Variants in PCNX2 observed in about 807,000 individuals in gnomAD.
PCNX2 encodes the protein pecanex 2, also known as pecanex-like protein 2.
In PCNX2, 168 loss-of-function variants were observed where a neutral mutation model predicts 223.8. That is an observed-to-expected ratio of 0.75 (90% CI 0.66 to 0.85). PCNX2 has a LOEUF of 0.85. PCNX2 is among the 40% of genes least tolerant of loss of function. The probability of loss-of-function intolerance (pLI) is 0.00; values close to 1 mark genes in which losing one functional copy is unlikely to be tolerated. For missense variants in PCNX2, 2,507 were observed against 2,675.5 expected, an observed-to-expected ratio of 0.94 and a Z score of 1.39; for synonymous variants, 1,006 against 1,052.6, an observed-to-expected ratio of 0.96 and a Z score of 0.86.
In PCNX2 at chr1:233,208,668, A is replaced by G; in HGVS notation, c.2713T>C (p.Tyr905His). The G allele has an allele frequency of 6.2e-7, 1 of 1,613,750 alleles. No homozygotes were observed. The highest frequency in any genetic ancestry group is 8.5e-7 in the Non-Finnish European group (1 of 1,179,792). The change falls in exon 13 of 34, where the codon TAT (tyrosine) becomes CAT (histidine). Residue 905 changes from tyrosine to histidine, a missense_variant. By Grantham distance (83) the Tyr-to-His change is moderately conservative. Coordinates refer to ENST00000258229, the MANE Select transcript of PCNX2 (RefSeq NM_014801.4). The part of the protein sequence containing the change: ...PIHGHNQIIT[Y>H]SRPIYFCVLC... ...ACACAAAAATAGATTGGTCTGCTAT[A>G]TGTTATGATTTGGTTGTGTCCCTAG...
At chr1:233,093,033 T>G (rs1571855769) in intron 22 of PCNX2, among the ~76,000 whole-genome samples, 1 of 152,164 alleles carries the variant, frequency 6.6e-6, no homozygotes, top group Non-Finnish European at 1.5e-5. Context: ...TCTCCTGACC[T>G]CATGATCTGC....
At chr1:233,197,063 A>G (rs1472138778) in intron 15 of PCNX2, among the ~76,000 whole-genome samples, 3 of 152,172 alleles carry the variant, frequency 2.0e-5, no homozygotes, top group Admixed American at 6.5e-5. Flanking sequence ...TTGATTCCAA[A>G]GAAGCTTCAA....
intron 8 of PCNX2, chr1:233,241,258 C>T: frequency 2.0e-6 from 2 of 985,402 alleles, no homozygotes; most frequent in Non-Finnish European, 1.2e-6. Flanking sequence ...GAGCATGGGA[C>T]CTGACTGCCA....
In PCNX2 at chr1:233,160,431, T is replaced by C. The variant is rs377753838; in HGVS notation, c.3369A>G (p.Pro1123=). ...AGGCAAACAGCACGATGCTGAGAAATGGCTGCGATAAAAATGGGCAGAATC... is the reference window on the plus strand; with the variant it reads ...AGGCAAACAGCACGATGCTGAGAAACGGCTGCGATAAAAATGGGCAGAATC... ...SASTVFLSLR[P]FLSIVLFALA... The change falls in exon 19 of 34, where the codon CCA becomes CCG. Residue 1123 remains proline (P), a splice_region_variant and synonymous_variant. Transcript: ENST00000258229. 1.9e-6 allele frequency: 3 copies of C among 1,613,282 alleles called. No individual in the cohort carries two copies. Among genetic ancestry groups the C allele is most frequent in the East Asian group, 4.5e-5 (2 of 44,884 alleles).
chr1:233,272,706 C>T (rs1660704823), intron 1 of PCNX2, among the ~76,000 whole-genome samples: 1 of 152,158 alleles, frequency 6.6e-6, no homozygotes, highest in African/African-American at 2.4e-5. Flanking sequence ...ATGTTTATAG[C>T]AGCACAATTC....
chr1:233,105,081 C>A (rs1279392740), intron 21 of PCNX2, among the ~76,000 whole-genome samples: 1 of 152,030 alleles, frequency 6.6e-6, no homozygotes, highest in Non-Finnish European at 1.5e-5. Context: ...TATTGGCAGG[C>A]TATTTCCTAA....
chr1:233,280,302 T>C (rs1459556681), intron 1 of PCNX2, among the ~76,000 whole-genome samples: 1 of 149,308 alleles, frequency 6.7e-6, no homozygotes, highest in East Asian at 1.9e-4. Context: ...TATTACCTTT[T>C]TTTTTTTTTT....
intron 23 of PCNX2, among the ~76,000 whole-genome samples, chr1:233,074,374 C>T (rs561405048): frequency 2.0e-5 from 3 of 152,132 alleles, no homozygotes; most frequent in African/African-American, 7.2e-5. Flanking sequence ...GCGGGCAGAT[C>T]ACGAGGTCAG....
chr1:233,187,777 T>C (rs1680189500), intron 15 of PCNX2, among the ~76,000 whole-genome samples: 3 of 151,912 alleles, frequency 2.0e-5, no homozygotes, highest in Non-Finnish European at 2.9e-5. Context: ...CTGAGATCGG[T>C]TTCCCCTTCA....
chr1:233,224,229 C>T (rs1657562165), intron 10 of PCNX2, among the ~76,000 whole-genome samples: 1 of 152,106 alleles, frequency 6.6e-6, no homozygotes, highest in African/African-American at 2.4e-5. Flanking sequence ...AAAATAAACC[C>T]TCAGTGTTTT....
intron 21 of PCNX2, among the ~76,000 whole-genome samples, chr1:233,110,969 A>G (rs1442078531): frequency 6.6e-6 from 1 of 152,160 alleles, no homozygotes; most frequent in Non-Finnish European, 1.5e-5. Flanking sequence ...TGGCACAAAT[A>G]ATATGTCAGT....
intron 21 of PCNX2, among the ~76,000 whole-genome samples, chr1:233,114,671 C>T (rs575530551): frequency 1.7e-4 from 26 of 152,256 alleles, no homozygotes; most frequent in East Asian, 5.8e-4. Context: ...GATATTGCAG[C>T]GGTCACAGAA....
In PCNX2 at chr1:232,986,089, TA is replaced by T. The variant is rs1669465610; in HGVS notation, c.6240+2del. ...TCCTGGTGAGCCCTGCCCAGCCCCT[TA>T]CCCGAGTGGCCTGGCTGGCAGCCCT... On this transcript the variant is annotated splice_donor_variant, in intron 33 of 33. Coordinates refer to ENST00000258229, the MANE Select transcript of PCNX2 (RefSeq NM_014801.4). LOFTEE classifies it high-confidence loss of function. 5 of 1,556,942 alleles carry T rather than the reference TA, an allele frequency of 3.2e-6. No homozygotes were observed. The South Asian group carries it at 5.9e-5, about 18-fold the overall frequency.
chr1:233,298,244 A>C (rs1337784811), upstream of PCNX2, among the ~76,000 whole-genome samples: 1 of 152,164 alleles, frequency 6.6e-6, no homozygotes, highest in Non-Finnish European at 1.5e-5. Flanking sequence ...AAATAAGGTG[A>C]ATCTGAAATT....
intron 20 of PCNX2, among the ~76,000 whole-genome samples, chr1:233,136,901 G>A (rs1367224634): frequency 6.6e-6 from 1 of 152,178 alleles, no homozygotes; most frequent in Non-Finnish European, 1.5e-5. Flanking sequence ...ATCCAGTTGA[G>A]AAGCAAATCT....
rs767933726 is a variant in PCNX2 at position 233,014,693 on chromosome 1, CCA to C, written c.4922_4923del (p.Leu1641ArgfsTer25). On this transcript the variant is annotated frameshift_variant, in exon 28 of 34. Coordinates refer to ENST00000258229, the MANE Select transcript of PCNX2 (RefSeq NM_014801.4). LOFTEE classifies it high-confidence loss of function. ...FALCTLGRRALGTAAHNMAIS... is the reference protein window; with the variant it reads ...FALCTLGRRAXGTAAHNMAIS... ...ATGGCCATATTGTGAGCGGCTGTTC[CCA>C]GAGCTCTCCTCCCCAGGGTGCACAG... 2 of 1,613,822 alleles carry C rather than the reference CCA, an allele frequency of 1.2e-6. No individual in the cohort carries two copies. The highest frequency in any genetic ancestry group is 1.7e-6 in the Non-Finnish European group (2 of 1,179,888).
chr1:233,192,567 T>A (rs566505014), intron 15 of PCNX2, among the ~76,000 whole-genome samples: 63 of 152,190 alleles, frequency 4.1e-4, no homozygotes, highest in African/African-American at 1.5e-3. Flanking sequence ...AAATGAGATA[T>A]TTCTCTAAAG....
chr1:233,106,596 C>G (rs907010593), intron 21 of PCNX2, among the ~76,000 whole-genome samples: 1 of 151,968 alleles, frequency 6.6e-6, no homozygotes, highest in Non-Finnish European at 1.5e-5. Context: ...TCGTGATCCG[C>G]CCGCCTCAGC....
At chr1:233,295,994 C>CT (rs1662095467), upstream of PCNX2, among the ~76,000 whole-genome samples, 1 of 110,322 alleles carries the variant, frequency 9.1e-6, no homozygotes, top group Admixed American at 9.7e-5. This position sits in a 1 kb window ranked among gnomAD's most constrained non-coding sequence, Gnocchi z 4.1. Flanking sequence ...TTTTTTCTTT[C>CT]TTTCTTTCTT....
Sources: gnomAD v4.1 joint callset for allele counts (sites outside exome capture counted in the v4.1 genomes callset) on GRCh38, gnomAD v4.1.1 for gene constraint, Gnocchi (gnomAD v3.1) non-coding constraint, MANE v1.5 for transcripts, NCBI Gene and HGNC (gene_info 2026-07-23, HGNC 2026-07-21) for gene names.